The following ACSM3 variants were observed in gnomAD, a reference collection of about 807,000 sequenced individuals.
The protein encoded by ACSM3 is acyl-coenzyme A synthetase ACSM3, mitochondrial.
Under a neutral mutation model 74.1 loss-of-function variants are expected in ACSM3, and 61 were observed. That is an observed-to-expected ratio of 0.82 (90% CI 0.67 to 1.02). The LOEUF is 1.02. Ranked by LOEUF, ACSM3 falls within the 50% of genes least tolerant of loss-of-function variation. The pLI, the probability that ACSM3 is intolerant of heterozygous loss-of-function variation, is 0.00. For missense variants in ACSM3, 660 were observed against 697.0 expected (o/e 0.95, Z 0.60); for synonymous variants, 213 against 241.5 (o/e 0.88, Z 1.09).
At chr16:20,687,628 T>A (rs1183244724) in intron 1 of ACSM3, among the ~76,000 whole-genome samples, 2 of 151,974 alleles carry the variant, frequency 1.3e-5, no homozygotes, top group Non-Finnish European at 2.9e-5. Flanking sequence ...AAACAAACCC[T>A]AAATAAACAC....
At chr16:20,742,813 A>ATATATATATAT (rs61582869) in intron 1 of ACSM3, among the ~76,000 whole-genome samples, 228 of 66,786 alleles carry the variant, frequency 3.4e-3, no homozygotes, top group Non-Finnish European at 4.8e-3. Flanking sequence ...ATATATATAT[A>ATATATATATAT]TTTTTTTTTT....
intron 1 of ACSM3, chr16:20,728,038 A>G (rs571850612): frequency 9.9e-6 from 2 of 202,504 alleles, no homozygotes; most frequent in African/African-American, 2.4e-5. Flanking sequence ...CTCAAATAGT[A>G]TATTTCAGAA....
chr16:20,685,829 AAACAAACAAAAAAAAAAC>A (rs1397236361), intron 1 of ACSM3, among the ~76,000 whole-genome samples: 8 of 92,794 alleles, frequency 8.6e-5, no homozygotes, highest in South Asian at 3.9e-4. Flanking sequence ...CAAAAAAAAA[AAACAAACAAAAAAAAAAC>A]AAAAAACTTA....
At chr16:20,728,734 G>A (rs2079815677) in intron 1 of ACSM3, among the ~76,000 whole-genome samples, 1 of 151,458 alleles carries the variant, frequency 6.6e-6, no homozygotes, top group South Asian at 2.1e-4. Context: ...CAGTTGGGGG[G>A]TGCTAGAGGT....
At chr16:20,743,028 C>T (rs2079942141) in intron 1 of ACSM3, among the ~76,000 whole-genome samples, 2 of 150,640 alleles carry the variant, frequency 1.3e-5, no homozygotes, top group Admixed American at 1.3e-4. Context: ...GCAAGCTCCG[C>T]CTCCCAGGTT....
chr16:20,758,995 C>T (rs1317409459), intron 3 of ACSM3, among the ~76,000 whole-genome samples: 3 of 152,054 alleles, frequency 2.0e-5, no homozygotes, highest in African/African-American at 7.2e-5. Context: ...GTCTGAGAGA[C>T]AGTTTGTTAT....
intron 1 of ACSM3, among the ~76,000 whole-genome samples, chr16:20,683,871 C>A (rs1486044399): frequency 2.6e-5 from 4 of 152,066 alleles, no homozygotes; most frequent in Non-Finnish European, 5.9e-5. Flanking sequence ...CAGGCCAAGT[C>A]TTAGATTTCC....
chr16:20,755,426 AATGAAAAAAATAT>A (rs1237456917), intron 2 of ACSM3: 1 of 152,168 alleles, frequency 6.6e-6, no homozygotes, highest in Non-Finnish European at 1.5e-5. Flanking sequence ...GCTTGAAATA[AATGAAAAAAATAT>A]ATATCAGCAA....
chr16:20,713,783 T>A lies in ACSM3; in HGVS notation c.-189-36127T>A, dbSNP rs529816828. Among the ~76,000 whole-genome samples the A allele has an allele frequency of 2.6e-5, 4 of 152,212 alleles. No homozygotes were observed. In the South Asian group the frequency reaches 6.2e-4, roughly 24 times the overall value. ...TGAAATGTGCATATTTTGGGGGTAGTTTTCAAGATGGAAAAAATCCTCATT... is the reference window on the plus strand; with the variant it reads ...TGAAATGTGCATATTTTGGGGGTAGATTTCAAGATGGAAAAAATCCTCATT... On this transcript the variant is annotated intron_variant, in intron 1 of 3. Transcript: ENST00000561584.
chr16:20,780,941 TA>T, intron 5 of ACSM3, 32 bp from the exon 6 acceptor site: 1 of 1,613,030 alleles, frequency 6.2e-7, no homozygotes, highest in Non-Finnish European at 8.5e-7. Flanking sequence ...TTTATTTTCC[TA>T]TGTACATCAG....
chr16:20,687,729 A>C (rs2079578302), intron 1 of ACSM3, among the ~76,000 whole-genome samples: 1 of 152,186 alleles, frequency 6.6e-6, no homozygotes, highest in Non-Finnish European at 1.5e-5. Flanking sequence ...CCTAAAGGAA[A>C]TTAGAAAAAC....
chr16:20,744,624 A>T (rs2079950377), intron 1 of ACSM3, among the ~76,000 whole-genome samples: 1 of 152,294 alleles, frequency 6.6e-6, no homozygotes, highest in South Asian at 2.1e-4. Flanking sequence ...ACCTCAAGAG[A>T]TCTGCCCACT....
intron 10 of ACSM3, among the ~76,000 whole-genome samples, 188 bp from the exon 11 acceptor site, chr16:20,791,814 G>A (rs2080604405): frequency 6.6e-6 from 1 of 152,020 alleles, no homozygotes; most frequent in Non-Finnish European, 1.5e-5. Context: ...TATAGTCCCA[G>A]CTATTTGGAA....
intron 1 of ACSM3, among the ~76,000 whole-genome samples, chr16:20,742,278 A>C (rs973158124): frequency 1.3e-5 from 2 of 152,160 alleles, no homozygotes; most frequent in Non-Finnish European, 2.9e-5. Flanking sequence ...ACAATCACAG[A>C]AACAAGTTGA....
chr16:20,754,342 T>C (rs978260847), intron 2 of ACSM3, among the ~76,000 whole-genome samples: 18 of 152,292 alleles, frequency 1.2e-4, no homozygotes, highest in African/African-American at 4.1e-4. Flanking sequence ...CATAATTAAA[T>C]AGGAGGCCAT....
At chr16:20,685,293 G>C in intron 1 of ACSM3, 1 of 1,614,244 alleles carries the variant, frequency 6.2e-7, no homozygotes, top group Non-Finnish European at 8.5e-7. Context: ...TCTGTGTGAA[G>C]ACGTTGGCTA....
intron 12 of ACSM3, chr16:20,792,716 A>G: frequency 1.0e-6 from 1 of 985,358 alleles, no homozygotes. Context: ...TGGTGTAGTG[A>G]AGGAGAATGG....
chr16:20,680,029 G>A (rs1360560483), intron 1 of ACSM3: 2 of 152,126 alleles, frequency 1.3e-5, no homozygotes, highest in Admixed American at 6.5e-5. Context: ...GCAGCCCTAA[G>A]CATCTGTACA....
At chr16:20,699,575 C>T (rs2079707452) in intron 1 of ACSM3, among the ~76,000 whole-genome samples, 2 of 152,050 alleles carry the variant, frequency 1.3e-5, no homozygotes, top group Non-Finnish European at 2.9e-5. Flanking sequence ...AACAAAGAAA[C>T]GAACAAACAA....
Sources: allele counts gnomAD v4.1 joint callset (sites outside exome capture counted in the v4.1 genomes callset), GRCh38; gene constraint gnomAD v4.1.1; transcripts MANE v1.5; gene names NCBI Gene and HGNC (gene_info 2026-07-23, HGNC 2026-07-21).